Variants in GPC6 observed in about 807,000 individuals in gnomAD.
GPC6 encodes glypican 6.
In GPC6, 14 loss-of-function variants were observed where a neutral mutation model predicts 55.2. The ratio of observed to expected loss-of-function variants is 0.25; its 90% CI spans 0.17 to 0.40. The LOEUF (loss-of-function observed/expected upper bound fraction) is 0.40, where lower values mean the gene tolerates loss of function less well. Ranked by LOEUF, GPC6 falls within the 10% of genes least tolerant of loss-of-function variation. The pLI, the probability that GPC6 is intolerant of heterozygous loss-of-function variation, is 1.00. For synonymous variants in GPC6, 278 were observed against 259.6 expected (o/e 1.07, Z -0.68); for missense variants, 641 against 708.5 (o/e 0.90, Z 1.08).
chr13:94,132,590 C>T (rs1887039987), intron 4 of GPC6, among the ~76,000 whole-genome samples: 4 of 152,130 alleles, frequency 2.6e-5, no homozygotes, highest in Admixed American at 2.6e-4. Flanking sequence ...AATAATAGTA[C>T]AACATTCCCT....
intron 3 of GPC6, among the ~76,000 whole-genome samples, chr13:93,844,364 CTTGACCTCATGGT>C (rs1888087073): frequency 2.6e-5 from 4 of 152,148 alleles, no homozygotes; most frequent in Non-Finnish European, 4.4e-5. Flanking sequence ...GTCTCGATCT[CTTGACCTCATGGT>C]CCGCCCACCT....
intron 4 of GPC6, among the ~76,000 whole-genome samples, chr13:94,043,513 A>T (rs2138742729): frequency 6.6e-6 from 1 of 152,004 alleles, no homozygotes; most frequent in South Asian, 2.1e-4. Context: ...GGAAATTAAC[A>T]TTGCTATAAT....
intron 4 of GPC6, among the ~76,000 whole-genome samples, chr13:94,044,025 G>T (rs1177280765): frequency 6.6e-6 from 1 of 151,620 alleles, no homozygotes; most frequent in Non-Finnish European, 1.5e-5. Flanking sequence ...TTTGGAGTAG[G>T]ATATGAAGCA....
intron 3 of GPC6, 148 bp from the exon 4 acceptor site, chr13:94,027,581 G>T: frequency 1.4e-6 from 1 of 715,814 alleles, no homozygotes; most frequent in Non-Finnish European, 2.4e-6. Context: ...CCAAGCAGAA[G>T]AATTCAACAG....
At chr13:93,223,896 C>CTTTTTTT (rs10592858), upstream of GPC6, among the ~76,000 whole-genome samples, 2 of 83,574 alleles carry the variant, frequency 2.4e-5, no homozygotes, top group African/African-American at 9.5e-5. Context: ...TATTTGTTTG[C>CTTTTTTT]TTTTTTTTTT....
At chr13:94,386,163 T>C (rs1410731991) in intron 7 of GPC6, among the ~76,000 whole-genome samples, 2 of 151,372 alleles carry the variant, frequency 1.3e-5, no homozygotes, top group Non-Finnish European at 2.9e-5. Context: ...ATCGAGACCA[T>C]CCTGGCTAAC....
chr13:94,271,145 C>T (rs573752871), intron 4 of GPC6, among the ~76,000 whole-genome samples: 1 of 146,450 alleles, frequency 6.8e-6, no homozygotes, highest in South Asian at 2.3e-4. Context: ...CTCCCGCCAC[C>T]ATGCCCGGCT....
chr13:94,243,166 C>A (rs1214492722), intron 4 of GPC6, among the ~76,000 whole-genome samples: 6 of 151,996 alleles, frequency 3.9e-5, no homozygotes, highest in African/African-American at 1.4e-4. Flanking sequence ...GTGGTTAGCA[C>A]CTTTATGCTA....
At chr13:93,395,469 C>T (rs2139224144) in intron 1 of GPC6, 1 of 217,354 alleles carries the variant, frequency 4.6e-6, no homozygotes, top group Non-Finnish European at 9.3e-6. Context: ...ATTTCAATCA[C>T]ATCAATTTTC....
At chr13:93,787,093 C>CTGTT (rs1397984529) in intron 2 of GPC6, among the ~76,000 whole-genome samples, 2 of 152,194 alleles carry the variant, frequency 1.3e-5, no homozygotes, top group Non-Finnish European at 2.9e-5. Context: ...TAGCCACAAA[C>CTGTT]TGTTTTCTTT....
At chr13:94,028,432 C>T (rs906926148) in intron 4 of GPC6, among the ~76,000 whole-genome samples, 4 of 151,936 alleles carry the variant, frequency 2.6e-5, no homozygotes, top group Non-Finnish European at 4.4e-5. Context: ...TAACTGTTCT[C>T]TCTGATGAAA....
At chr13:93,450,860 T>A in intron 1 of GPC6, 1 of 203,048 alleles carries the variant, frequency 4.9e-6, no homozygotes, top group Non-Finnish European at 8.7e-6. Flanking sequence ...ATAGAAGAGT[T>A]AATATGATCA....
At chr13:94,171,930 C>T (rs1888581558) in intron 4 of GPC6, among the ~76,000 whole-genome samples, 1 of 152,092 alleles carries the variant, frequency 6.6e-6, no homozygotes, top group Admixed American at 6.6e-5. Flanking sequence ...ACTAGCTGTA[C>T]AGGAGTGAAG....
intron 3 of GPC6, among the ~76,000 whole-genome samples, chr13:93,875,801 C>A (rs761034041): frequency 1.3e-5 from 2 of 152,042 alleles, no homozygotes; most frequent in African/African-American, 2.4e-5. Context: ...ACTAGAGGAA[C>A]TATCATGGAG....
intron 1 of GPC6, among the ~76,000 whole-genome samples, chr13:93,348,198 T>C (rs1880494565): frequency 6.6e-6 from 1 of 152,224 alleles, no homozygotes; most frequent in Non-Finnish European, 1.5e-5. Context: ...ATGTAGGTAC[T>C]AATTGGGCAA....
chr13:93,513,284 C>A (rs1379688647), intron 1 of GPC6, among the ~76,000 whole-genome samples: 3 of 152,138 alleles, frequency 2.0e-5, no homozygotes, highest in African/African-American at 7.2e-5. Context: ...CACCTCAGTC[C>A]CCGGATGCCC....
chr13:93,599,175 A>C (rs1450590450), intron 2 of GPC6, among the ~76,000 whole-genome samples: 2 of 152,154 alleles, frequency 1.3e-5, no homozygotes, highest in African/African-American at 4.8e-5. Context: ...TCTTTGCTGA[A>C]TATACGTGCA....
intron 8 of GPC6, among the ~76,000 whole-genome samples, chr13:94,400,752 A>G (rs1881091981): frequency 3.9e-5 from 6 of 152,204 alleles, no homozygotes; most frequent in Admixed American, 3.9e-4. Flanking sequence ...ACCACTTCGG[A>G]CTAGCAGGGA....
At chr13:93,289,282 AT>A (rs1878239584) in intron 1 of GPC6, among the ~76,000 whole-genome samples, 1 of 152,144 alleles carries the variant, frequency 6.6e-6, no homozygotes, top group African/African-American at 2.4e-5. Flanking sequence ...AACTCATTTA[AT>A]CTGCCTTCAC....
Sources: allele counts gnomAD v4.1 joint callset (sites outside exome capture counted in the v4.1 genomes callset), GRCh38; gene constraint gnomAD v4.1.1; transcripts MANE v1.5; gene names NCBI Gene and HGNC (gene_info 2026-07-23, HGNC 2026-07-21).